The following BTBD7 variants were observed in gnomAD, a reference collection of about 807,000 sequenced individuals.
The protein encoded by BTBD7 is BTB domain containing 7.
In BTBD7, 38 loss-of-function variants were observed where a neutral mutation model predicts 99.9. The observed-to-expected ratio is 0.38, with a 90% CI of 0.29 to 0.50. The LOEUF is 0.50. BTBD7 is among the 20% of genes least tolerant of loss of function. BTBD7 has a pLI of 0.93. For synonymous variants in BTBD7, 520 were observed against 511.4 expected (o/e 1.02, Z -0.23); for missense variants, 1,170 against 1,394.6 (o/e 0.84, Z 2.57).
chr14:93,257,222 A>T lies in BTBD7; in HGVS notation c.1581T>A (p.Pro527=). The T allele has an allele frequency of 6.2e-7, 1 of 1,614,050 alleles. No individual in the cohort carries two copies. Among genetic ancestry groups the T allele is most frequent in the Non-Finnish European group, 8.5e-7 (1 of 1,179,950 alleles). Residue 527 remains proline, a synonymous_variant, in exon 6 of 11, where the codon CCT becomes CCA. Transcript: ENST00000334746. The part of the protein sequence containing the change: ...LPFVRIEHIL[P]INSEVLSDAM... ...CATCACTTAAGACTTCACTGTTTAT[A>T]GGTAAGATGTGTTCAATTCGCACAA...
intron 8 of BTBD7, among the ~76,000 whole-genome samples, chr14:93,249,399 A>T (rs2139682111): frequency 6.6e-6 from 1 of 151,946 alleles, no homozygotes; most frequent in African/African-American, 2.4e-5. Flanking sequence ...AAGCAGGAAG[A>T]GTGTGAAGAG....
chr14:93,274,401 A>AAT (rs2052632819), intron 3 of BTBD7, among the ~76,000 whole-genome samples: 4 of 152,172 alleles, frequency 2.6e-5, no homozygotes, highest in African/African-American at 9.7e-5. Context: ...TGGAGTCAGC[A>AAT]CCTCTGGAAA....
At chr14:93,273,605 T>G (rs1450522161) in intron 3 of BTBD7, among the ~76,000 whole-genome samples, 3 of 152,300 alleles carry the variant, frequency 2.0e-5, no homozygotes, top group Middle Eastern at 6.8e-3. Flanking sequence ...CTGAGAATAT[T>G]AAACCCCAAG....
At position 93,313,913 on chromosome 14, in the gene BTBD7, T is replaced by A. The variant is rs532900786; in HGVS notation, c.-106-17756A>T. Among the ~76,000 whole-genome samples, 751 of 140,882 alleles carry A rather than the reference T, an allele frequency of 5.3e-3. 7 individuals are homozygous for A. The highest frequency in any genetic ancestry group is 0.018 in the African/African-American group (693 of 38,738). 92.4% of individuals were successfully genotyped at this position (140,882 alleles called of 152,430 possible). A position where few individuals can be genotyped will look rare whatever the true frequency, so the allele number is the denominator to read the frequency against. On this transcript the variant is annotated intron_variant, in intron 1 of 10. Coordinates refer to ENST00000334746, the MANE Select transcript of BTBD7 (RefSeq NM_001002860.4). The stretch of plus-strand genomic sequence containing the variant: ...CGTGCCCAGCTAATGAACAACAAAA[T>A]TTTTTTTTTTTTTGGTACAGACGGG...
chr14:93,263,212 A>G (rs2052508623), intron 4 of BTBD7, among the ~76,000 whole-genome samples: 1 of 152,254 alleles, frequency 6.6e-6, no homozygotes, highest in Non-Finnish European at 1.5e-5. Context: ...TCTGTAATGT[A>G]TAAAATCTAT....
At chr14:93,246,342 G>T in intron 9 of BTBD7, 56 bp from the exon 10 acceptor site, 2 of 1,447,818 alleles carry the variant, frequency 1.4e-6, no homozygotes, top group South Asian at 3.1e-5. Flanking sequence ...TTCATAAGTG[G>T]AAATTTATAG....
At chr14:93,275,822 C>A (rs975062207) in intron 3 of BTBD7, among the ~76,000 whole-genome samples, 1 of 152,148 alleles carries the variant, frequency 6.6e-6, no homozygotes, top group Non-Finnish European at 1.5e-5. Context: ...CCTTATAGGA[C>A]CACTGTTGTA....
chr14:93,289,711 A>G (rs1007713192), intron 3 of BTBD7, among the ~76,000 whole-genome samples: 3 of 152,180 alleles, frequency 2.0e-5, no homozygotes, highest in African/African-American at 7.2e-5. Flanking sequence ...TTAAATGAAA[A>G]TCAAGTGAAG....
intron 1 of BTBD7, among the ~76,000 whole-genome samples, chr14:93,320,682 T>C (rs751283110): frequency 2.6e-5 from 4 of 152,088 alleles, no homozygotes; most frequent in African/African-American, 4.8e-5. Context: ...AACAAACACA[T>C]GAACACAATG....
At chr14:93,318,660 G>C (rs2053235733) in intron 1 of BTBD7, among the ~76,000 whole-genome samples, 1 of 152,200 alleles carries the variant, frequency 6.6e-6, no homozygotes, top group Non-Finnish European at 1.5e-5. Flanking sequence ...AAATCAGACT[G>C]GGTAGTGACC....
chr14:93,245,975 G>C lies in BTBD7; in HGVS notation c.2433C>G (p.Gly811=), dbSNP rs762559046. Residue 811 remains glycine (G), a synonymous_variant, in exon 10 of 11, where the codon GGC becomes GGG. Transcript: ENST00000334746. Reference sequence around the variant, plus strand: ...CACTCGGCAAGTAGACTGGGGGAGGGCCAGCTTTAGGAGCTGTTCTGGAGT... The same window carrying C: ...CACTCGGCAAGTAGACTGGGGGAGGCCCAGCTTTAGGAGCTGTTCTGGAGT... The part of the protein sequence containing the change: ...LFHSRTAPKA[G]PPPVYLPSVK... 1 of 1,614,136 alleles carries C rather than the reference G, an allele frequency of 6.2e-7. No homozygotes were observed. Among genetic ancestry groups the C allele is most frequent in the Non-Finnish European group, 8.5e-7 (1 of 1,180,030 alleles).
intron 1 of BTBD7, among the ~76,000 whole-genome samples, chr14:93,315,954 T>TA (rs1385774528): frequency 6.9e-6 from 1 of 145,576 alleles, no homozygotes; most frequent in Admixed American, 6.8e-5. Flanking sequence ...AATGTATCTT[T>TA]TTTTTTTTTT....
intron 3 of BTBD7, among the ~76,000 whole-genome samples, chr14:93,272,999 G>A (rs1018636041): frequency 1.3e-5 from 2 of 152,132 alleles, no homozygotes; most frequent in African/African-American, 4.8e-5. Context: ...TGTGCTTTCG[G>A]CATGCACTGT....
At chr14:93,324,421 C>CAAAAAAAAAATAAAAA (rs71301935) in intron 1 of BTBD7, among the ~76,000 whole-genome samples, 4 of 89,928 alleles carry the variant, frequency 4.4e-5, no homozygotes, top group Admixed American at 1.0e-4. Context: ...GACCCTGTCT[C>CAAAAAAAAAATAAAAA]AAAAAAAAAA....
intron 1 of BTBD7, chr14:93,332,276 C>T (rs1264333569): frequency 6.6e-6 from 1 of 152,302 alleles, no homozygotes; most frequent in Non-Finnish European, 1.5e-5. Flanking sequence ...AAGCTCAATT[C>T]CAGGTTTATC....
intron 5 of BTBD7, among the ~76,000 whole-genome samples, chr14:93,258,661 T>C (rs560382947): frequency 1.3e-5 from 2 of 152,202 alleles, no homozygotes; most frequent in Non-Finnish European, 2.9e-5. Context: ...CTTGGCTCAC[T>C]GCAACCTCCA....
At position 93,248,574 on chromosome 14, in the gene BTBD7, C is replaced by T; in HGVS notation, c.2023G>A (p.Ala675Thr). The T allele has an allele frequency of 6.2e-7, 1 of 1,614,118 alleles. No individual in the cohort carries two copies. The highest frequency in any genetic ancestry group is 8.5e-7 in the Non-Finnish European group (1 of 1,180,040). Residue 675 changes from alanine (A) to threonine (T), a missense_variant, in exon 9 of 11, where the codon GCC (alanine) becomes ACC (threonine). Ala to Thr is a moderately conservative substitution (Grantham distance 58). Transcript: ENST00000334746. Reference sequence around the variant, plus strand: ...GTGGCGCCTTCCCCGCAGTTCAGGGCATAGGCCCTCTGCACCTGCTCCGTG... The same window carrying T: ...GTGGCGCCTTCCCCGCAGTTCAGGGTATAGGCCCTCTGCACCTGCTCCGTG... Reference protein sequence around the residue: ...RHTEQVQRAYALNCGEGATVS... With the variant: ...RHTEQVQRAYTLNCGEGATVS...
In BTBD7 at chr14:93,248,735, T is replaced by G. The variant is rs556536965; in HGVS notation, c.1943-81A>C. ...CCCGTGAGCCCAAGGGAAAAAAGCATGTATTTCATACCAGAATCTTATAAG... is the reference window on the plus strand; with the variant it reads ...CCCGTGAGCCCAAGGGAAAAAAGCAGGTATTTCATACCAGAATCTTATAAG... On this transcript the variant is annotated intron_variant, in intron 8 of 10. Transcript: ENST00000334746. 6.3e-6 allele frequency: 8 copies of G among 1,260,204 alleles called. No individual in the cohort carries two copies. In the East Asian group the frequency reaches 2.1e-4, roughly 33 times the overall value. 78.1% of individuals were successfully genotyped at this position (1,260,204 alleles called of 1,614,324 possible).
rs888008960 is a variant in BTBD7, at chr14:93,239,247, C to T, written c.*3026G>A. On this transcript the variant is annotated 3_prime_UTR_variant, in exon 11 of 11. Transcript: ENST00000334746. Reference sequence around the variant, plus strand: ...CAACAGCATCTTTAAGAAACTTGAACGTCCTCTCGGCTCTAGCGTGTAAAC... The same window carrying T: ...CAACAGCATCTTTAAGAAACTTGAATGTCCTCTCGGCTCTAGCGTGTAAAC... 6 of 152,528 alleles carry T rather than the reference C, an allele frequency of 3.9e-5. No individual in the cohort carries two copies. Among genetic ancestry groups the T allele is most frequent in the South Asian group, 4.1e-4 (2 of 4,830 alleles). The allele number at this position is 152,528 out of a possible 1,614,324, so 9.4% of individuals were successfully genotyped here.
Sources: gnomAD v4.1 joint callset for allele counts (sites outside exome capture counted in the v4.1 genomes callset) on GRCh38, gnomAD v4.1.1 for gene constraint, MANE v1.5 for transcripts, NCBI Gene and HGNC (gene_info 2026-07-23, HGNC 2026-07-21) for gene names.